ZNF385B: variants seen among roughly 807,000 people sequenced by gnomAD.
ZNF385B encodes zinc finger protein 533.
A neutral mutation model predicts 39.2 loss-of-function variants in ZNF385B; 23 were observed. That is an observed-to-expected ratio of 0.59 (90% CI 0.42 to 0.83). The LOEUF (loss-of-function observed/expected upper bound fraction) is 0.83, where lower values mean the gene tolerates loss of function less well. Ranked by LOEUF, ZNF385B falls within the 40% of genes least tolerant of loss-of-function variation. The pLI is 0.00. For synonymous variants in ZNF385B, 205 were observed against 222.6 expected (o/e 0.92, Z 0.70); for missense variants, 552 against 598.9 (o/e 0.92, Z 0.82).
At chr2:179,698,492 A>G (rs1389007119) in intron 3 of ZNF385B, among the ~76,000 whole-genome samples, 1 of 152,236 alleles carries the variant, frequency 6.6e-6, no homozygotes, top group African/African-American at 2.4e-5. Flanking sequence ...CATAAATTCC[A>G]GCATCATTTA....
At position 179,444,945 on chromosome 2, in the gene ZNF385B, A is replaced by G; in HGVS notation, c.1173T>C (p.Val391=). ...ATTTTGGCTTCAGTGGTTTCCCTGCAACTCGATCTTTATGCCTTCGGCTAG... is the reference window on the plus strand; with the variant it reads ...ATTTTGGCTTCAGTGGTTTCCCTGCGACTCGATCTTTATGCCTTCGGCTAG... ...HISSRRHKDR[V]AGKPLKPKYS... Residue 391 remains valine, a synonymous_variant, in exon 9 of 10, where the codon GTT becomes GTC. Coordinates refer to ENST00000410066, the MANE Select transcript of ZNF385B (RefSeq NM_152520.6). The G allele has an allele frequency of 6.2e-7, 1 of 1,614,174 alleles. No individual in the cohort carries two copies. The highest frequency in any genetic ancestry group is 8.5e-7 in the Non-Finnish European group (1 of 1,180,004).
At chr2:179,529,739 A>T (rs1008362144) in intron 4 of ZNF385B, among the ~76,000 whole-genome samples, 2 of 152,194 alleles carry the variant, frequency 1.3e-5, no homozygotes, top group Non-Finnish European at 2.9e-5. Flanking sequence ...CTTATACTTT[A>T]TACTTCTCAG....
chr2:179,701,789 A>G (rs1699223148), intron 3 of ZNF385B, among the ~76,000 whole-genome samples: 1 of 152,200 alleles, frequency 6.6e-6, no homozygotes, highest in Non-Finnish European at 1.5e-5. Context: ...TGGCATCTCA[A>G]CAATGTTTTT....
chr2:179,787,784 A>G (rs1182964578), intron 1 of ZNF385B, among the ~76,000 whole-genome samples: 1 of 152,194 alleles, frequency 6.6e-6, no homozygotes, highest in Non-Finnish European at 1.5e-5. Context: ...CACATGTTCA[A>G]TCAGTAACAT....
chr2:179,470,719 G>A (rs1033906104), intron 6 of ZNF385B, among the ~76,000 whole-genome samples: 1 of 152,184 alleles, frequency 6.6e-6, no homozygotes, highest in Non-Finnish European at 1.5e-5. Flanking sequence ...CAAATCTGAT[G>A]TGCTTTACCG....
intron 3 of ZNF385B, among the ~76,000 whole-genome samples, chr2:179,744,455 AC>A (rs1310955493): frequency 6.6e-6 from 1 of 152,090 alleles, no homozygotes; most frequent in Non-Finnish European, 1.5e-5. Context: ...TCAGTATAAA[AC>A]TAATTTCATG....
chr2:179,605,780 T>C lies in ZNF385B; in HGVS notation c.299-60811A>G, dbSNP rs557466481. ...ATGTCCTTAAGTATGGTATCTCAAGTGAATTAACCAGCTTTCACTATCAAA... is the reference window on the plus strand; with the variant it reads ...ATGTCCTTAAGTATGGTATCTCAAGCGAATTAACCAGCTTTCACTATCAAA... On this transcript the variant is annotated intron_variant, in intron 3 of 9. Transcript: ENST00000410066. Among the ~76,000 whole-genome samples, 3 of 152,262 alleles carry C rather than the reference T, an allele frequency of 2.0e-5. No individual in the cohort carries two copies. The South Asian group carries it at 6.2e-4, about 32-fold the overall frequency.
chr2:179,725,968 T>C (rs1472692998), intron 3 of ZNF385B, among the ~76,000 whole-genome samples: 2 of 150,412 alleles, frequency 1.3e-5, no homozygotes, highest in Non-Finnish European at 3.0e-5. Flanking sequence ...ATCTAGACAA[T>C]AGCACACTAC....
chr2:179,852,575 G>A (rs536541885), intron 1 of ZNF385B, among the ~76,000 whole-genome samples: 1 of 152,102 alleles, frequency 6.6e-6, no homozygotes, highest in African/African-American at 2.4e-5. Context: ...AGTGGTTCAC[G>A]TTGGCATGGA....
At chr2:179,767,657 G>T (rs2106500051) in intron 3 of ZNF385B, among the ~76,000 whole-genome samples, 1 of 152,134 alleles carries the variant, frequency 6.6e-6, no homozygotes, top group African/African-American at 2.4e-5. Flanking sequence ...CTCATTCAGT[G>T]GAGGCTCTAA....
chr2:179,493,686 C>CGTATAT (rs1157546103), intron 5 of ZNF385B, among the ~76,000 whole-genome samples: 8 of 70,324 alleles, frequency 1.1e-4, no homozygotes, highest in South Asian at 9.1e-4. Context: ...TATACATATA[C>CGTATAT]ACATATATAC....
chr2:179,610,776 A>G (rs1397744422), intron 3 of ZNF385B, among the ~76,000 whole-genome samples: 1 of 152,050 alleles, frequency 6.6e-6, no homozygotes, highest in African/African-American at 2.4e-5. Flanking sequence ...TTCCTTGGTT[A>G]ATTCCTAGGT....
At chr2:179,857,050 G>A (rs1684659555) in intron 1 of ZNF385B, among the ~76,000 whole-genome samples, 1 of 152,036 alleles carries the variant, frequency 6.6e-6, no homozygotes, top group Non-Finnish European at 1.5e-5. Flanking sequence ...ATAATCCTGG[G>A]CTTATTCCTA....
chr2:179,840,373 G>T (rs73048573), intron 1 of ZNF385B, among the ~76,000 whole-genome samples: 6,978 of 152,210 alleles, frequency 0.046, 270 homozygotes, highest in African/African-American at 0.11. Context: ...AAAGGAGCTT[G>T]GATTGTCTGT....
At chr2:179,765,323 C>T (rs898157957) in intron 3 of ZNF385B, among the ~76,000 whole-genome samples, 12 of 152,084 alleles carry the variant, frequency 7.9e-5, no homozygotes, top group Non-Finnish European at 8.8e-5. Context: ...GTACAAACTC[C>T]AACTCATGTG....
chr2:179,602,106 G>A lies in ZNF385B; in HGVS notation c.299-57137C>T, dbSNP rs534345953. Among the ~76,000 whole-genome samples the A allele has an allele frequency of 2.2e-4, 34 of 152,190 alleles. 1 individual carries two copies. The highest frequency in any genetic ancestry group is 7.5e-4 in the African/African-American group (31 of 41,518). ...TACAAGAAAGAAAAATATAAACATA[G>A]TATATCAAAATTTTCAAAGATATTT... On this transcript the variant is annotated intron_variant, in intron 3 of 9. Coordinates refer to ENST00000410066, the MANE Select transcript of ZNF385B (RefSeq NM_152520.6).
chr2:179,786,698 CT>C (rs201773197), intron 1 of ZNF385B, among the ~76,000 whole-genome samples: 1,544 of 140,108 alleles, frequency 0.011, 12 homozygotes, highest in Admixed American at 0.02. Flanking sequence ...CTTTCTTTTT[CT>C]TTTTTTTTTT....
chr2:179,635,867 T>C (rs13021545), intron 3 of ZNF385B, among the ~76,000 whole-genome samples: 8,760 of 152,126 alleles, frequency 0.058, 380 homozygotes, highest in Middle Eastern at 0.12. Context: ...TTGGAACACA[T>C]AAGATCTTGT....
At chr2:179,837,444 T>A (rs372513210) in intron 1 of ZNF385B, among the ~76,000 whole-genome samples, 2 of 152,328 alleles carry the variant, frequency 1.3e-5, no homozygotes, top group South Asian at 4.1e-4. Context: ...AGTATTTATA[T>A]AGCATCTCTT....
Sources: gnomAD v4.1 joint callset for allele counts (sites outside exome capture counted in the v4.1 genomes callset) on GRCh38, gnomAD v4.1.1 for gene constraint, MANE v1.5 for transcripts, NCBI Gene and HGNC (gene_info 2026-07-23, HGNC 2026-07-21) for gene names.